The following ADCY5 variants were observed in gnomAD, a reference collection of about 807,000 sequenced individuals.
The protein encoded by ADCY5 is adenylate cyclase 5, also known as adenylate cyclase type 5.
Under a neutral mutation model 119.7 loss-of-function variants are expected in ADCY5, and 30 were observed. The observed-to-expected ratio is 0.25, with a 90% confidence interval of 0.19 to 0.34. ADCY5 has a LOEUF of 0.34. Ranked by LOEUF, ADCY5 falls within the 10% of genes least tolerant of loss-of-function variation. The pLI is 1.00. For missense variants in ADCY5, 1,324 were observed against 1,775.2 expected, an observed-to-expected ratio of 0.75 and a Z score of 4.57; for synonymous variants, 753 against 762.2, an observed-to-expected ratio of 0.99 and a Z score of 0.20.
chr3:123,396,779 AAGGCAGGCAGGCAGGC>A (rs1195206250), intron 1 of ADCY5, among the ~76,000 whole-genome samples: 1 of 69,904 alleles, frequency 1.4e-5, no homozygotes, highest in African/African-American at 6.0e-5. Context: ...GGAAGGAAGG[AAGGCAGGCAGGCAGGC>A]AGGCAGGCAG....
At chr3:123,318,147 C>A in intron 10 of ADCY5, 30 bp from the exon 11 acceptor site, 1 of 1,576,726 alleles carries the variant, frequency 6.3e-7, no homozygotes, top group Non-Finnish European at 8.7e-7. Flanking sequence ...GTGAGAGGGG[C>A]CAAGGTACCT....
intron 1 of ADCY5, among the ~76,000 whole-genome samples, chr3:123,446,803 A>T (rs1197191025): frequency 2.6e-5 from 4 of 152,124 alleles, no homozygotes. Flanking sequence ...GCTCCTTCCC[A>T]CTTTAGCGAA....
intron 2 of ADCY5, among the ~76,000 whole-genome samples, chr3:123,350,665 G>A (rs532196058): frequency 1.9e-4 from 29 of 152,322 alleles, no homozygotes; most frequent in African/African-American, 6.5e-4. Context: ...GGCTATGGCC[G>A]GTTGAGAAGC....
intron 1 of ADCY5, among the ~76,000 whole-genome samples, chr3:123,377,800 T>TCCCA (rs1358582605): frequency 6.6e-6 from 1 of 151,886 alleles, no homozygotes; most frequent in East Asian, 1.9e-4. Flanking sequence ...TGTGGTGGTG[T>TCCCA]GTGCCTGTAG....
chr3:123,356,604 C>A lies in ADCY5; in HGVS notation c.1135-4023G>T, dbSNP rs115966393. 4.8e-3 allele frequency among the ~76,000 whole-genome samples: 737 copies of A among 152,268 alleles called. 3 individuals carry two copies. Among genetic ancestry groups the A allele is most frequent in the African/African-American group, 0.017 (714 of 41,562 alleles). On this transcript the variant is annotated intron_variant, in intron 1 of 20. Transcript: ENST00000462833. ...AGGCCTAACTGCAGAACCTATCATA[C>A]AAATTTTTAAAACAATGAGTACTAT...
intron 1 of ADCY5, among the ~76,000 whole-genome samples, chr3:123,446,116 C>G (rs1015865925): frequency 2.0e-5 from 3 of 152,162 alleles, no homozygotes; most frequent in Non-Finnish European, 4.4e-5. Context: ...TGTGTCCCCT[C>G]CGTCCCAGTC....
At chr3:123,296,320 T>G (rs1257260247) in intron 16 of ADCY5, 104 bp from the exon 17 acceptor site, 8 of 1,284,456 alleles carry the variant, frequency 6.2e-6, no homozygotes, top group Non-Finnish European at 8.5e-6. Context: ...TTCCTCCCAC[T>G]ATACCTTCCC....
intron 1 of ADCY5, among the ~76,000 whole-genome samples, chr3:123,369,251 C>T (rs1943554442): frequency 6.6e-6 from 1 of 152,170 alleles, no homozygotes; most frequent in Admixed American, 6.5e-5. Context: ...AACAAGAAGG[C>T]CCTCGCTAGG....
intron 17 of ADCY5, 54 bp from the exon 18 acceptor site, chr3:123,291,430 G>A: frequency 1.9e-6 from 3 of 1,563,626 alleles, no homozygotes; most frequent in East Asian, 4.5e-5. Flanking sequence ...CCAGATGTCG[G>A]CCCCTCCACC....
At chr3:123,430,815 G>A (rs1945509312) in intron 1 of ADCY5, among the ~76,000 whole-genome samples, 1 of 152,144 alleles carries the variant, frequency 6.6e-6, no homozygotes, top group African/African-American at 2.4e-5. Flanking sequence ...TCAGTCCTCA[G>A]ACAGACCCCA....
chr3:123,438,611 G>C (rs955926261), intron 1 of ADCY5, among the ~76,000 whole-genome samples: 5 of 152,160 alleles, frequency 3.3e-5, no homozygotes, highest in African/African-American at 9.7e-5. Context: ...AGCAGGCTCA[G>C]TTATCAGATC....
At chr3:123,338,192 AG>A (rs1942110891) in intron 3 of ADCY5, among the ~76,000 whole-genome samples, 1 of 152,212 alleles carries the variant, frequency 6.6e-6, no homozygotes, top group African/African-American at 2.4e-5. Flanking sequence ...CTGAGGAACC[AG>A]GGAGGGGCAG....
intron 1 of ADCY5, among the ~76,000 whole-genome samples, chr3:123,361,547 A>G (rs1943249766): frequency 7.5e-6 from 1 of 133,490 alleles, no homozygotes; most frequent in Non-Finnish European, 1.5e-5. Flanking sequence ...GGATTTGCCT[A>G]TTCTGGACAC....
At chr3:123,372,163 C>T (rs905157227) in intron 1 of ADCY5, among the ~76,000 whole-genome samples, 2 of 152,258 alleles carry the variant, frequency 1.3e-5, no homozygotes, top group African/African-American at 4.8e-5. Context: ...CTTCTCTCAC[C>T]TCAATTTGCC....
At chr3:123,402,027 A>G (rs1944770007) in intron 1 of ADCY5, among the ~76,000 whole-genome samples, 1 of 152,200 alleles carries the variant, frequency 6.6e-6, no homozygotes, top group Non-Finnish European at 1.5e-5. Context: ...CTTATCCACC[A>G]GTTCCTCCAA....
At chr3:123,397,691 C>T (rs1478444165) in intron 1 of ADCY5, among the ~76,000 whole-genome samples, 1 of 152,226 alleles carries the variant, frequency 6.6e-6, no homozygotes, top group African/African-American at 2.4e-5. Context: ...TAAATCCCTT[C>T]TTCTGTTCTG....
At chr3:123,351,460 G>A (rs181341905) in intron 2 of ADCY5, among the ~76,000 whole-genome samples, 3 of 152,346 alleles carry the variant, frequency 2.0e-5, no homozygotes, top group East Asian at 1.9e-4. Flanking sequence ...GGGGGCTGAC[G>A]CAGCATGCGG....
intron 1 of ADCY5, chr3:123,419,325 C>T: frequency 2.4e-6 from 1 of 417,204 alleles, no homozygotes. Context: ...TTCCATCACT[C>T]TGGCTCATCT....
chr3:123,313,460 G>T (rs1279012692), intron 12 of ADCY5, among the ~76,000 whole-genome samples: 3 of 152,230 alleles, frequency 2.0e-5, no homozygotes, highest in East Asian at 3.9e-4. Context: ...GCAGATGTGG[G>T]AGAGGCACAG....
Sources: gnomAD v4.1 joint callset for allele counts (sites outside exome capture counted in the v4.1 genomes callset) on GRCh38, gnomAD v4.1.1 for gene constraint, MANE v1.5 for transcripts, NCBI Gene and HGNC (gene_info 2026-07-23, HGNC 2026-07-21) for gene names.